Variants in CDH13 observed in about 807,000 individuals in gnomAD.
CDH13 encodes cadherin-13.
CDH13 carries 24 observed loss-of-function variants against 63.8 expected under a neutral mutation model. The observed-to-expected ratio is 0.38, with a 90% CI of 0.27 to 0.53. The LOEUF (loss-of-function observed/expected upper bound fraction) is 0.53. Ranked by LOEUF, CDH13 falls within the 20% of genes least tolerant of loss-of-function variation. The pLI, the probability that CDH13 is intolerant of heterozygous loss-of-function variation, is 0.85. For synonymous variants in CDH13, 503 were observed against 355.3 expected (o/e 1.42, Z -4.67); for missense variants, 1,049 against 903.1 (o/e 1.16, Z -2.07).
chr16:83,325,282 G>C (rs571819546), intron 5 of CDH13, among the ~76,000 whole-genome samples: 2 of 152,146 alleles, frequency 1.3e-5, no homozygotes, highest in Non-Finnish European at 1.5e-5. Flanking sequence ...TCTGTTGAAT[G>C]AATAAATAAC....
chr16:82,762,796 T>A (rs561888177), intron 1 of CDH13, among the ~76,000 whole-genome samples: 2 of 152,366 alleles, frequency 1.3e-5, no homozygotes, highest in South Asian at 4.1e-4. Flanking sequence ...TGCATGTGTT[T>A]GGAAATGTCT....
chr16:82,820,621 G>A (rs1226293476), intron 1 of CDH13, among the ~76,000 whole-genome samples: 2 of 152,134 alleles, frequency 1.3e-5, no homozygotes, highest in Non-Finnish European at 2.9e-5. Context: ...TTGATTATCT[G>A]CTACATGACA....
At chr16:83,000,263 T>TTTTAG (rs1912748366) in intron 2 of CDH13, among the ~76,000 whole-genome samples, 1 of 117,722 alleles carries the variant, frequency 8.5e-6, no homozygotes, top group African/African-American at 3.3e-5. Flanking sequence ...TTTTTTTTTT[T>TTTTAG]TGAGACAGAG....
chr16:83,503,872 G>T (rs1454159824), intron 7 of CDH13, among the ~76,000 whole-genome samples: 2 of 151,480 alleles, frequency 1.3e-5, no homozygotes, highest in Non-Finnish European at 2.9e-5. Context: ...AGTTTCTTTT[G>T]CTGTGCAGAA....
chr16:83,293,829 A>C (rs2089521752), intron 5 of CDH13, among the ~76,000 whole-genome samples: 1 of 152,184 alleles, frequency 6.6e-6, no homozygotes. Context: ...ACAGAGTGGG[A>C]GCTAACAATA....
intron 5 of CDH13, among the ~76,000 whole-genome samples, chr16:83,248,449 G>A (rs917611837): frequency 1.3e-5 from 2 of 152,136 alleles, no homozygotes; most frequent in Admixed American, 6.5e-5. Context: ...TCACATGCAG[G>A]TGTCATTGTA....
intron 4 of CDH13, among the ~76,000 whole-genome samples, chr16:83,185,946 C>T (rs954344765): frequency 6.6e-6 from 1 of 152,004 alleles, no homozygotes; most frequent in Admixed American, 6.6e-5. Flanking sequence ...AATTATCATC[C>T]CCTTTTTGTT....
intron 6 of CDH13, among the ~76,000 whole-genome samples, chr16:83,467,871 C>A (rs1196202482): frequency 6.6e-6 from 1 of 152,158 alleles, no homozygotes; most frequent in Non-Finnish European, 1.5e-5. Context: ...AGCACAGTAC[C>A]CTGGGCAGCA....
At chr16:83,364,660 G>T (rs148917743) in intron 6 of CDH13, among the ~76,000 whole-genome samples, 230 of 152,286 alleles carry the variant, frequency 1.5e-3, no homozygotes, top group African/African-American at 5.3e-3. Context: ...TGAAAGTAGA[G>T]TGATAATTTG....
At chr16:82,929,704 C>G (rs903979003) in intron 2 of CDH13, among the ~76,000 whole-genome samples, 47 of 129,728 alleles carry the variant, frequency 3.6e-4, no homozygotes, top group African/African-American at 1.2e-3. Context: ...GTTGATGAAC[C>G]TGAAAAGAAG....
chr16:83,537,933 T>C (rs1478619870), intron 7 of CDH13, among the ~76,000 whole-genome samples: 1 of 152,226 alleles, frequency 6.6e-6, no homozygotes, highest in Non-Finnish European at 1.5e-5. Context: ...AATTTAATTT[T>C]GTTGTCTAAA....
chr16:82,676,871 T>TTTTTGTTTTG (rs61269039), intron 1 of CDH13, among the ~76,000 whole-genome samples: 36,065 of 149,360 alleles, frequency 0.24, 5,647 homozygotes, highest in Non-Finnish European at 0.35. Context: ...GTTTCTTTGT[T>TTTTTGTTTTG]TTTTGTTTTG....
At chr16:82,698,464 C>G (rs940821740) in intron 1 of CDH13, among the ~76,000 whole-genome samples, 1 of 152,230 alleles carries the variant, frequency 6.6e-6, no homozygotes, top group African/African-American at 2.4e-5. Context: ...ACTGCCCATG[C>G]ATATGGGCTC....
At chr16:82,891,912 A>G (rs2041094708) in intron 2 of CDH13, among the ~76,000 whole-genome samples, 2 of 152,182 alleles carry the variant, frequency 1.3e-5, no homozygotes, top group Non-Finnish European at 2.9e-5. Context: ...TCCCTTAAAT[A>G]TAGATGAGGA....
chr16:82,854,107 T>C lies in CDH13; in HGVS notation c.46-4255T>C, dbSNP rs181204217. ...TACTGTTTTGAATTCTCTTAAGAAATTAAAGGGCAAGGCTGGGCTTGGTGG... is the reference window on the plus strand; with the variant it reads ...TACTGTTTTGAATTCTCTTAAGAAACTAAAGGGCAAGGCTGGGCTTGGTGG... On this transcript the variant is annotated intron_variant, in intron 1 of 13. Transcript: ENST00000567109. Among the ~76,000 whole-genome samples, 493 of 152,112 alleles carry C rather than the reference T, an allele frequency of 3.2e-3. 2 individuals are homozygous for C. The highest frequency in any genetic ancestry group is 5.8e-3 in the Non-Finnish European group (393 of 68,004).
At position 83,678,418 on chromosome 16, in the gene CDH13, G is replaced by A; in HGVS notation, c.1495G>A (p.Val499Met). ...DLSVGSVLLT[V>M]NATDPDSLQH... ...CTCTGTGGGCAGCGTGCTGCTGACA[G>A]TGAATGCCACGGACCCCGACTCCCT... Residue 499 changes from valine (V) to methionine (M), a missense_variant, in exon 10 of 14, where the codon GTG becomes ATG. Coordinates refer to ENST00000567109, the MANE Select transcript of CDH13 (RefSeq NM_001257.5). 6.2e-7 allele frequency: 1 copy of A among 1,614,014 alleles called. No individual in the cohort carries two copies. Among genetic ancestry groups the A allele is most frequent in the Non-Finnish European group, 8.5e-7 (1 of 1,179,898 alleles).
chr16:83,085,180 G>T (rs1019053033), intron 3 of CDH13, among the ~76,000 whole-genome samples: 1 of 151,952 alleles, frequency 6.6e-6, no homozygotes, highest in Non-Finnish European at 1.5e-5. Flanking sequence ...ATCATGACAG[G>T]GGGCAAAAGG....
At chr16:83,247,017 G>A (rs1286580412) in intron 5 of CDH13, among the ~76,000 whole-genome samples, 2 of 152,306 alleles carry the variant, frequency 1.3e-5, no homozygotes, top group Non-Finnish European at 2.9e-5. Context: ...AACCAGAAAG[G>A]ATATCAGATT....
chr16:82,815,356 A>G (rs1436242035), intron 1 of CDH13, among the ~76,000 whole-genome samples: 4 of 152,148 alleles, frequency 2.6e-5, no homozygotes, highest in Admixed American at 1.3e-4. Context: ...CCTCACCTGC[A>G]TGATGGAGAC....
Sources: gnomAD v4.1 joint callset for allele counts (sites outside exome capture counted in the v4.1 genomes callset) on GRCh38, gnomAD v4.1.1 for gene constraint, MANE v1.5 for transcripts, NCBI Gene and HGNC (gene_info 2026-07-23, HGNC 2026-07-21) for gene names.